Variants in HMGB1 observed in about 807,000 individuals in gnomAD.
The protein encoded by HMGB1 is high mobility group protein B1.
For synonymous variants in HMGB1, 81 were observed against 84.0 expected, an observed-to-expected ratio of 0.96 and a Z score of 0.19; for missense variants, 79 against 253.5, an observed-to-expected ratio of 0.31 and a Z score of 4.67.
chr13:30,509,028 G>A (rs1382449644), intron 1 of HMGB1, among the ~76,000 whole-genome samples: 2 of 152,104 alleles, frequency 1.3e-5, no homozygotes, highest in South Asian at 2.1e-4. Context: ...TCGACTTCCT[G>A]GGTTCAAGCC....
intron 1 of HMGB1, among the ~76,000 whole-genome samples, chr13:30,526,544 G>T (rs575603913): frequency 6.6e-6 from 1 of 152,306 alleles, no homozygotes; most frequent in East Asian, 1.9e-4. Flanking sequence ...CATCCAGAGA[G>T]ATCTGCAACC....
At position 30,600,825 on chromosome 13, in the gene HMGB1, T is replaced by C. The variant is rs559299149; in HGVS notation, c.-15+15846A>G. 2.0e-5 allele frequency among the ~76,000 whole-genome samples: 3 copies of C among 152,312 alleles called. No individual in the cohort carries two copies. In the East Asian group the frequency reaches 5.8e-4, roughly 29 times the overall value. On this transcript the variant is annotated intron_variant, in intron 1 of 4. Coordinates refer to the HMGB1 transcript ENST00000405805. The stretch of plus-strand genomic sequence containing the variant: ...CAGGCAAGGGACACTCAAGTTGTAT[T>C]AATCCCATTTTACAGAAGAAGAAAC...
rs1433189025 is a variant in HMGB1, at chr13:30,459,329, A to C, written c.*2028T>G. The C allele has an allele frequency of 1.3e-4, 20 of 152,176 alleles. No homozygotes were observed. The highest frequency in any genetic ancestry group is 1.3e-3 in the Admixed American group (20 of 15,280). 9.4% of individuals were successfully genotyped at this position (152,176 alleles called of 1,614,324 possible). ...TGTGGTCAAGAATAAACCCTAAAAA[A>C]ACTGTTCCCATTCTCAACATCTTAA... On this transcript the variant is annotated 3_prime_UTR_variant, in exon 5 of 5. Coordinates refer to ENST00000341423, the MANE Select transcript of HMGB1 (RefSeq NM_002128.7).
chr13:30,473,401 A>G lies in HMGB1; in HGVS notation c.-14-9707T>C, dbSNP rs142716483. Among the ~76,000 whole-genome samples, 935 of 152,354 alleles carry G rather than the reference A, an allele frequency of 6.1e-3. 8 individuals are homozygous for G. Among genetic ancestry groups the G allele is most frequent in the African/African-American group, 0.021 (893 of 41,582 alleles). On this transcript the variant is annotated intron_variant, in intron 1 of 4. Coordinates refer to the HMGB1 transcript ENST00000405805. ...TCTGGTTAGTCAAAGAATGGTACAC[A>G]TGACGAGTGGAAAACGCAATAGTAA... is the stretch of plus-strand genomic sequence containing the variant.
At chr13:30,578,649 A>T (rs1566030583) in intron 1 of HMGB1, among the ~76,000 whole-genome samples, 2 of 152,046 alleles carry the variant, frequency 1.3e-5, no homozygotes, top group Admixed American at 1.3e-4. Flanking sequence ...CATATCCTAG[A>T]TTCGGAACCT....
chr13:30,562,296 CA>C (rs59745521), intron 1 of HMGB1, among the ~76,000 whole-genome samples: 95,068 of 126,126 alleles, frequency 0.75, 35,639 homozygotes, highest in East Asian at 0.94. Flanking sequence ...GACTCAGTCT[CA>C]AAAAAAAAAA....
intron 1 of HMGB1, among the ~76,000 whole-genome samples, chr13:30,537,362 G>C (rs1868486489): frequency 6.6e-6 from 1 of 151,838 alleles, no homozygotes; most frequent in Non-Finnish European, 1.5e-5. Context: ...ACATACAGAA[G>C]AGCACAAATC....
intron 1 of HMGB1, among the ~76,000 whole-genome samples, chr13:30,517,309 A>G (rs1055801252): frequency 1.3e-5 from 2 of 152,272 alleles, no homozygotes; most frequent in African/African-American, 4.8e-5. Flanking sequence ...ACCACTGAGA[A>G]TGCAGTTCTT....
intron 1 of HMGB1, among the ~76,000 whole-genome samples, chr13:30,499,877 C>T (rs942330316): frequency 2.6e-5 from 4 of 152,190 alleles, no homozygotes; most frequent in African/African-American, 7.2e-5. Context: ...AATCTGAAGC[C>T]TGTCTGTCAA....
intron 1 of HMGB1, among the ~76,000 whole-genome samples, chr13:30,491,816 T>G (rs1167696953): frequency 6.6e-6 from 1 of 152,080 alleles, no homozygotes; most frequent in Admixed American, 6.6e-5. Context: ...AAAGCAAACT[T>G]TCACAAAAGA....
At chr13:30,564,278 CAAAA>C (rs60208654) in intron 1 of HMGB1, among the ~76,000 whole-genome samples, 15,668 of 105,826 alleles carry the variant, frequency 0.15, 1,941 homozygotes, top group African/African-American at 0.36. Context: ...ACTAAAAATG[CAAAA>C]AAAAAAAAAA....
At chr13:30,533,011 G>C (rs984843164) in intron 1 of HMGB1, among the ~76,000 whole-genome samples, 4 of 152,168 alleles carry the variant, frequency 2.6e-5, no homozygotes, top group Non-Finnish European at 5.9e-5. Context: ...AGGCAATAGA[G>C]TATCACAATA....
chr13:30,595,637 A>T (rs950333876), intron 1 of HMGB1, among the ~76,000 whole-genome samples: 1 of 152,202 alleles, frequency 6.6e-6, no homozygotes, highest in Non-Finnish European at 1.5e-5. Context: ...GATCTGGCTC[A>T]GCTGTAGACA....
rs114119289 is a variant in HMGB1 at position 30,599,171 on chromosome 13, G to A, written c.-15+17500C>T. On this transcript the variant is annotated intron_variant, in intron 1 of 4. Coordinates refer to the HMGB1 transcript ENST00000405805. ...CCTGTGTTAGTTTGCATGGGCTGTC[G>A]TAACGTAACACTACAGGCCGGGCAC... Among the ~76,000 whole-genome samples, 373 of 152,192 alleles carry A rather than the reference G, an allele frequency of 2.5e-3. 1 individual carries two copies. In the Middle Eastern group the frequency reaches 0.027, roughly 11 times the overall value.
Position 30,559,797 on chromosome 13 carries a change from T to C in HMGB1, c.-15+56874A>G, listed in dbSNP as rs1368985914. On this transcript the variant is annotated intron_variant, in intron 1 of 4. Coordinates refer to the HMGB1 transcript ENST00000405805. The surrounding 1 kb of genome is among the most constrained non-coding windows in gnomAD (Gnocchi z 6.6). ...AATTTATATTAAAAGGATAAAAATA[T>C]CTACACTTGGAAACAGCAGATTGTG... Among the ~76,000 whole-genome samples the C allele has an allele frequency of 6.6e-6, 1 of 152,154 alleles. No individual in the cohort carries two copies. The highest frequency in any genetic ancestry group is 2.4e-5 in the African/African-American group (1 of 41,418).
At chr13:30,611,511 T>C (rs944844015) in intron 1 of HMGB1, among the ~76,000 whole-genome samples, 6 of 152,228 alleles carry the variant, frequency 3.9e-5, no homozygotes, top group Admixed American at 3.3e-4. Context: ...TAGGGACTTG[T>C]GCTCTATTTT....
At chr13:30,610,825 GACC>G (rs1950506610) in intron 1 of HMGB1, among the ~76,000 whole-genome samples, 1 of 151,626 alleles carries the variant, frequency 6.6e-6, no homozygotes, top group Non-Finnish European at 1.5e-5. Context: ...AATCAGATTA[GACC>G]ACCAAAAAAC....
intron 1 of HMGB1, among the ~76,000 whole-genome samples, chr13:30,517,971 C>T (rs991651698): frequency 6.6e-6 from 1 of 152,122 alleles, no homozygotes; most frequent in East Asian, 1.9e-4. Flanking sequence ...CATGGAAAAC[C>T]CAGAGCTGGC....
upstream of HMGB1, among the ~76,000 whole-genome samples, chr13:30,469,229 C>T (rs927831647): frequency 2.9e-4 from 44 of 152,264 alleles, no homozygotes; most frequent in African/African-American, 1.0e-3. Flanking sequence ...CAAAGTCATC[C>T]AGTCGAAGAG....
Sources: allele counts gnomAD v4.1 joint callset (sites outside exome capture counted in the v4.1 genomes callset), GRCh38; gene constraint gnomAD v4.1.1; non-coding constraint Gnocchi (gnomAD v3.1); transcripts MANE v1.5; gene names NCBI Gene and HGNC (gene_info 2026-07-23, HGNC 2026-07-21).